Variants in SH3RF3 observed in about 807,000 individuals in gnomAD.
The protein encoded by SH3RF3 is SH3 domain containing ring finger 3.
Under a neutral mutation model 66.3 loss-of-function variants are expected in SH3RF3, and 29 were observed. The observed-to-expected ratio is 0.44, with a 90% confidence interval of 0.33 to 0.60. The LOEUF (loss-of-function observed/expected upper bound fraction) is 0.60, where lower values mean the gene tolerates loss of function less well. Ranked by LOEUF, SH3RF3 falls within the 20% of genes least tolerant of loss-of-function variation. SH3RF3 has a pLI of 0.04. For missense variants in SH3RF3, 1,194 were observed against 1,190.9 expected, an observed-to-expected ratio of 1.00 and a Z score of -0.04; for synonymous variants, 583 against 532.0, an observed-to-expected ratio of 1.10 and a Z score of -1.32.
At chr2:109,337,462 T>C (rs1485981484) in intron 1 of SH3RF3, among the ~76,000 whole-genome samples, 3 of 152,202 alleles carry the variant, frequency 2.0e-5, no homozygotes, top group Non-Finnish European at 4.4e-5. Flanking sequence ...CGAAATGTTT[T>C]CCTCAAATGG....
At chr2:109,304,757 T>C (rs1308239649) in intron 1 of SH3RF3, among the ~76,000 whole-genome samples, 1 of 152,168 alleles carries the variant, frequency 6.6e-6, no homozygotes, top group Non-Finnish European at 1.5e-5. Context: ...AGGTGCAGCC[T>C]GTGGAGGAAA....
At chr2:109,154,068 A>G (rs1474914369) in intron 1 of SH3RF3, among the ~76,000 whole-genome samples, 1 of 152,192 alleles carries the variant, frequency 6.6e-6, no homozygotes, top group Non-Finnish European at 1.5e-5. Context: ...TGATGCATCA[A>G]AGTATGAACA....
At chr2:109,467,488 G>T (rs1202436043) in intron 8 of SH3RF3, among the ~76,000 whole-genome samples, 2 of 152,208 alleles carry the variant, frequency 1.3e-5, no homozygotes, top group Non-Finnish European at 2.9e-5. Flanking sequence ...AGAAGCCCTG[G>T]AAGGACAGCA....
intron 1 of SH3RF3, among the ~76,000 whole-genome samples, chr2:109,157,290 C>T (rs769672539): frequency 2.0e-5 from 3 of 152,200 alleles, no homozygotes; most frequent in Non-Finnish European, 4.4e-5. Context: ...ATTCCTGTCT[C>T]CTACAGTGAT....
chr2:109,297,229 T>C (rs1258027585), intron 1 of SH3RF3, among the ~76,000 whole-genome samples: 1 of 152,016 alleles, frequency 6.6e-6, no homozygotes, highest in Non-Finnish European at 1.5e-5. Context: ...TTCAGCTGTT[T>C]TTCATTGACA....
intron 8 of SH3RF3, among the ~76,000 whole-genome samples, chr2:109,463,616 G>A (rs1678263242): frequency 6.6e-6 from 1 of 152,176 alleles, no homozygotes; most frequent in Admixed American, 6.5e-5. Context: ...AACAAACAGG[G>A]ACTCTGGAAG....
chr2:109,420,602 C>A (rs1033507346), intron 5 of SH3RF3, among the ~76,000 whole-genome samples: 1 of 152,092 alleles, frequency 6.6e-6, no homozygotes, highest in Non-Finnish European at 1.5e-5. Flanking sequence ...CCAGCCACCA[C>A]GCCTGGCTAA....
chr2:109,208,039 G>A (rs995011757), intron 1 of SH3RF3, among the ~76,000 whole-genome samples: 3 of 152,210 alleles, frequency 2.0e-5, no homozygotes, highest in Non-Finnish European at 4.4e-5. Flanking sequence ...CATGCGATTT[G>A]TTAAATTCAA....
chr2:109,431,112 A>G (rs1402708778), intron 5 of SH3RF3, among the ~76,000 whole-genome samples: 10 of 152,298 alleles, frequency 6.6e-5, no homozygotes, highest in Middle Eastern at 3.4e-3. Flanking sequence ...CGTGAGCTGC[A>G]TTCTGTTTCT....
chr2:109,354,290 T>C lies in SH3RF3; in HGVS notation c.849+6341T>C, dbSNP rs549843241. On this transcript the variant is annotated intron_variant, in intron 2 of 9. Coordinates refer to ENST00000309415, the MANE Select transcript of SH3RF3 (RefSeq NM_001099289.3). ...CGGTGGAGCAGGCAGCCCATCACCC[T>C]GCAGGCCCAGAGGCTGAAGGGGGCC... Among the ~76,000 whole-genome samples the C allele has an allele frequency of 2.0e-5, 3 of 152,332 alleles. No individual in the cohort carries two copies. The East Asian group carries it at 5.8e-4, about 29-fold the overall frequency.
chr2:109,424,070 G>A (rs1203282617), intron 5 of SH3RF3, among the ~76,000 whole-genome samples: 1 of 152,210 alleles, frequency 6.6e-6, no homozygotes, highest in Non-Finnish European at 1.5e-5. Flanking sequence ...CATCCCCACC[G>A]GTACCGGCAT....
chr2:109,478,227 G>A (rs545849696), intron 8 of SH3RF3, among the ~76,000 whole-genome samples: 4 of 152,206 alleles, frequency 2.6e-5, no homozygotes, highest in Non-Finnish European at 5.9e-5. Flanking sequence ...GGCTCCCAGT[G>A]TATTTTTCAT....
intron 4 of SH3RF3, among the ~76,000 whole-genome samples, chr2:109,402,881 G>A (rs1210653102): frequency 6.6e-6 from 1 of 152,164 alleles, no homozygotes; most frequent in Admixed American, 6.5e-5. Flanking sequence ...ACTGGGTTCT[G>A]TAGAAAGGTC....
At chr2:109,371,917 C>G (rs1234163805) in intron 3 of SH3RF3, among the ~76,000 whole-genome samples, 3 of 152,214 alleles carry the variant, frequency 2.0e-5, no homozygotes, top group Non-Finnish European at 4.4e-5. Context: ...CAAGTCATCT[C>G]ACCACGTGGG....
intron 7 of SH3RF3, among the ~76,000 whole-genome samples, chr2:109,447,368 C>A (rs1478738177): frequency 2.0e-5 from 3 of 152,044 alleles, no homozygotes; most frequent in African/African-American, 7.2e-5. Context: ...TCTCACGGTG[C>A]TACTTCCCGT....
chr2:109,478,703 G>A (rs1678755454), intron 8 of SH3RF3, among the ~76,000 whole-genome samples: 1 of 152,140 alleles, frequency 6.6e-6, no homozygotes, highest in African/African-American at 2.4e-5. Flanking sequence ...GGGAGAGAGG[G>A]GGAGAGTCTG....
At position 109,263,704 on chromosome 2, in the gene SH3RF3, C is replaced by T. The variant is rs530816045; in HGVS notation, c.574-83970C>T. Reference sequence around the variant, plus strand: ...ATGTGAGGCCGGGTGCGGTGGCTCACGCCTGTAATCCCAGCACTTTGGGAG... The same window carrying T: ...ATGTGAGGCCGGGTGCGGTGGCTCATGCCTGTAATCCCAGCACTTTGGGAG... On this transcript the variant is annotated intron_variant, in intron 1 of 9. Transcript: ENST00000309415. Among the ~76,000 whole-genome samples the T allele has an allele frequency of 5.3e-5, 8 of 152,300 alleles. No individual in the cohort carries two copies. In the East Asian group the frequency reaches 7.7e-4, roughly 15 times the overall value.
At chr2:109,300,688 T>G (rs551226906) in intron 1 of SH3RF3, among the ~76,000 whole-genome samples, 94 of 152,344 alleles carry the variant, frequency 6.2e-4, no homozygotes, top group African/African-American at 2.2e-3. Context: ...CACCTTCCTC[T>G]TCCTCCTTCA....
chr2:109,355,298 G>T (rs1426699404), intron 2 of SH3RF3, among the ~76,000 whole-genome samples: 1 of 152,122 alleles, frequency 6.6e-6, no homozygotes, highest in Admixed American at 6.6e-5. Flanking sequence ...TGGCATATTG[G>T]CCCAGGAACT....
Sources: gnomAD v4.1 joint callset for allele counts (sites outside exome capture counted in the v4.1 genomes callset) on GRCh38, gnomAD v4.1.1 for gene constraint, MANE v1.5 for transcripts, NCBI Gene and HGNC (gene_info 2026-07-23, HGNC 2026-07-21) for gene names.